The following C2CD3 variants were observed in gnomAD, a reference collection of about 807,000 sequenced individuals.
C2CD3 encodes C2 domain-containing protein 3.
In C2CD3, 148 loss-of-function variants were observed where a neutral mutation model predicts 234.0. The observed-to-expected ratio is 0.63, with a 90% CI of 0.55 to 0.72. The LOEUF is 0.72. Ranked by LOEUF, C2CD3 falls within the 30% of genes least tolerant of loss-of-function variation. The probability of loss-of-function intolerance (pLI) is 0.00; values close to 1 mark genes in which losing one functional copy is unlikely to be tolerated. For missense variants in C2CD3, 2,577 were observed against 2,811.5 expected, an observed-to-expected ratio of 0.92 and a Z score of 1.89; for synonymous variants, 1,000 against 1,035.4, an observed-to-expected ratio of 0.97 and a Z score of 0.66.
At position 74,161,435 on chromosome 11, in the gene C2CD3, A is replaced by C; in HGVS notation, c.447T>G (p.Ile149Met). ...PTHQINGFFT[I>M]VSSTSKKLGE... is the part of the protein sequence containing the mutation. ...CAAGTTTCTTAGACGTTGATGAAACAATGGTAAAAAATCCATTGATTTGAT... is the reference window on the plus strand; with the variant it reads ...CAAGTTTCTTAGACGTTGATGAAACCATGGTAAAAAATCCATTGATTTGAT... Residue 149 changes from isoleucine to methionine, a missense_variant, in exon 3 of 33, where the codon ATT (isoleucine) becomes ATG (methionine). Physicochemically the swap from Ile to Met is conservative, Grantham distance 10. Coordinates refer to ENST00000334126, the MANE Select transcript of C2CD3 (RefSeq NM_001286577.2). 6.3e-7 allele frequency: 1 copy of C among 1,599,944 alleles called. No individual in the cohort carries two copies. Among genetic ancestry groups the C allele is most frequent in the Non-Finnish European group, 8.5e-7 (1 of 1,173,060 alleles).
At chr11:74,085,006 G>T (rs752482182) in intron 21 of C2CD3, 36 bp from the exon 22 acceptor site, 18 of 1,222,912 alleles carry the variant, frequency 1.5e-5, no homozygotes, top group East Asian at 2.3e-5. Context: ...ATTATTTGAT[G>T]GTCTATTCAT....
chr11:74,121,966 T>G (rs1436030501), intron 8 of C2CD3, among the ~76,000 whole-genome samples: 1 of 152,200 alleles, frequency 6.6e-6, no homozygotes, highest in African/African-American at 2.4e-5. Flanking sequence ...GCTTCCTATC[T>G]GCTTCTCGTT....
At chr11:74,150,521 A>C (rs1308336560) in intron 3 of C2CD3, among the ~76,000 whole-genome samples, 4 of 74,894 alleles carry the variant, frequency 5.3e-5, no homozygotes, top group East Asian at 6.1e-4. Flanking sequence ...AAAAACAAAA[A>C]AAAAACAAAA....
chr11:74,082,229 C>A (rs544511223), intron 22 of C2CD3, among the ~76,000 whole-genome samples: 1 of 151,744 alleles, frequency 6.6e-6, no homozygotes, highest in Non-Finnish European at 1.5e-5. Context: ...CATTCTCCTG[C>A]CTCAGCCCCC....
intron 25 of C2CD3, among the ~76,000 whole-genome samples, chr11:74,055,214 C>T (rs1953899139): frequency 6.6e-6 from 1 of 152,152 alleles, no homozygotes; most frequent in Admixed American, 6.5e-5. Context: ...CTTGAGGTCA[C>T]TTAAGAGTCA....
chr11:74,108,869 T>C (rs1276877698), intron 12 of C2CD3, among the ~76,000 whole-genome samples, 165 bp downstream of exon 12: 1 of 151,150 alleles, frequency 6.6e-6, no homozygotes, highest in Non-Finnish European at 1.5e-5. Context: ...CAGAGATTAG[T>C]AGTAGTAATA....
rs1953484700 is a variant in C2CD3 at position 74,048,244 on chromosome 11, T to A, written c.5456A>T (p.His1819Leu). The change falls in exon 28 of 33, where the codon CAT (histidine) becomes CTT (leucine). Residue 1819 changes from histidine to leucine, a missense_variant. Transcript: ENST00000334126. ...GAAATCAAGCTCCTTTGAGGAGGCATGAGCAAGTTGGTCTAGGGTCTGCCT... is the reference window on the plus strand; with the variant it reads ...GAAATCAAGCTCCTTTGAGGAGGCAAGAGCAAGTTGGTCTAGGGTCTGCCT... ...MARQTLDQLA[H>L]ASSKELDFSS... is the part of the protein sequence containing the mutation. 1.2e-6 allele frequency: 2 copies of A among 1,613,736 alleles called. No individual in the cohort carries two copies. Among genetic ancestry groups the A allele is most frequent in the Non-Finnish European group, 1.7e-6 (2 of 1,179,818 alleles).
intron 20 of C2CD3, among the ~76,000 whole-genome samples, chr11:74,086,448 G>C (rs1428148512): frequency 6.6e-6 from 1 of 152,202 alleles, no homozygotes; most frequent in African/African-American, 2.4e-5. Context: ...GGAGGATGTT[G>C]GCTGTTTCTA....
At chr11:74,155,467 C>T (rs2135562497) in intron 3 of C2CD3, among the ~76,000 whole-genome samples, 1 of 152,208 alleles carries the variant, frequency 6.6e-6, no homozygotes, top group Admixed American at 6.5e-5. Context: ...CTAATAGCAA[C>T]ATTATTAATA....
chr11:74,161,296 A>G, intron 3 of C2CD3, 103 bp downstream of exon 3: 1 of 591,732 alleles, frequency 1.7e-6, no homozygotes, highest in Non-Finnish European at 2.8e-6. Context: ...GGAAATTAGC[A>G]TGATATACAG....
chr11:74,061,982 T>G lies in C2CD3; in HGVS notation c.4952-4438A>C, dbSNP rs373150192. ...AAGCAGGGGTTGCAATCCTAGTCTC[T>G]GATAAAACAGACTTTAAACCAACAA... On this transcript the variant is annotated intron_variant, in intron 24 of 32. Transcript: ENST00000334126. Among the ~76,000 whole-genome samples, 126 of 152,012 alleles carry G rather than the reference T, an allele frequency of 8.3e-4. 1 individual carries two copies. In the East Asian group the frequency reaches 0.02, roughly 24 times the overall value.
intron 3 of C2CD3, among the ~76,000 whole-genome samples, chr11:74,144,014 A>G (rs1450819417): frequency 6.6e-6 from 1 of 152,204 alleles, no homozygotes; most frequent in Non-Finnish European, 1.5e-5. Context: ...ATATGTGTAG[A>G]GTTGTTCACA....
At position 74,098,045 on chromosome 11, in the gene C2CD3, A is replaced by G. The variant is rs780575550; in HGVS notation, c.2943T>C (p.His981=). 1.2e-6 allele frequency: 2 copies of G among 1,613,970 alleles called. No homozygotes were observed. The highest frequency in any genetic ancestry group is 4.5e-5 in the East Asian group (2 of 44,890). Reference sequence around the variant, plus strand: ...ATGCTGCAGTTGGCTGGTCCAGGAAATGGGCTGGCCTAGGGCTGAAGGGAG... The same window carrying G: ...ATGCTGCAGTTGGCTGGTCCAGGAAGTGGGCTGGCCTAGGGCTGAAGGGAG... ...TLPPFSPRPA[H]FLDQPTAASV... The change falls in exon 16 of 33, where the codon CAT becomes CAC. Residue 981 remains histidine (H), a synonymous_variant. Coordinates refer to ENST00000334126, the MANE Select transcript of C2CD3 (RefSeq NM_001286577.2).
At chr11:74,040,544 C>T (rs924599723) in intron 29 of C2CD3, among the ~76,000 whole-genome samples, 3 of 151,544 alleles carry the variant, frequency 2.0e-5, no homozygotes, top group African/African-American at 7.3e-5. Flanking sequence ...GTCACGAGGT[C>T]AGGAGTTTGA....
At chr11:74,073,394 C>A (rs1954885794) in intron 24 of C2CD3, among the ~76,000 whole-genome samples, 1 of 152,002 alleles carries the variant, frequency 6.6e-6, no homozygotes, top group South Asian at 2.1e-4. Context: ...CGAGATCAGC[C>A]TGTCCAACAT....
At chr11:74,060,286 G>A (rs191813025) in intron 24 of C2CD3, among the ~76,000 whole-genome samples, 5 of 152,336 alleles carry the variant, frequency 3.3e-5, no homozygotes, top group Admixed American at 6.5e-5. Context: ...TCCCAGCACG[G>A]AGTTTGAGAT....
chr11:74,027,251 C>T (rs1952339073), intron 32 of C2CD3, among the ~76,000 whole-genome samples: 1 of 152,094 alleles, frequency 6.6e-6, no homozygotes, highest in Non-Finnish European at 1.5e-5. Context: ...GGACTATAGG[C>T]ACGTGCCACC....
At position 74,078,980 on chromosome 11, in the gene C2CD3, T is replaced by G. The variant is rs184420454; in HGVS notation, c.4001-263A>C. ...GGTTTATTATGAACAAGCCATTAAT[T>G]TCTCTCAGATTTGGTTTCCTTACCT... On this transcript the variant is annotated intron_variant, in intron 22 of 32. Transcript: ENST00000334126. Among the ~76,000 whole-genome samples the G allele has an allele frequency of 1.6e-4, 25 of 152,356 alleles. No homozygotes were observed. In the East Asian group the frequency reaches 4.8e-3, roughly 29 times the overall value.
intron 24 of C2CD3, among the ~76,000 whole-genome samples, chr11:74,064,119 T>C (rs1057222619): frequency 4.0e-5 from 6 of 150,372 alleles, no homozygotes; most frequent in African/African-American, 7.3e-5. Context: ...CATTGTTCAA[T>C]TCCCACCTAT....
Sources: gnomAD v4.1 joint callset for allele counts (sites outside exome capture counted in the v4.1 genomes callset) on GRCh38, gnomAD v4.1.1 for gene constraint, MANE v1.5 for transcripts, NCBI Gene and HGNC (gene_info 2026-07-23, HGNC 2026-07-21) for gene names.